DDX23: variants seen among roughly 807,000 people sequenced by gnomAD.
DDX23 encodes the protein probable ATP-dependent RNA helicase DDX23.
Under a neutral mutation model 102.7 loss-of-function variants are expected in DDX23, and 33 were observed. The observed-to-expected ratio is 0.32, with a 90% CI of 0.24 to 0.43. The LOEUF is 0.43. Among genes scored for constraint, DDX23 ranks in the 20% least tolerant of loss-of-function variants. DDX23 has a pLI of 1.00. For synonymous variants in DDX23, 352 were observed against 376.0 expected, an observed-to-expected ratio of 0.94 and a Z score of 0.74; for missense variants, 549 against 1,086.6, an observed-to-expected ratio of 0.51 and a Z score of 6.96.
At position 48,830,345 on chromosome 12, in the gene DDX23, T is replaced by C; in HGVS notation, c.*124A>G. ...GACCTGAGGGTCTGGGCTAGGGAGT[T>C]GGATTGTTTTCCTAAGCCCCCATAT... On this transcript the variant is annotated 3_prime_UTR_variant, in exon 17 of 17. Coordinates refer to ENST00000308025, the MANE Select transcript of DDX23 (RefSeq NM_004818.3). The surrounding 1 kb of genome is among the most constrained non-coding windows in gnomAD (Gnocchi z 4.9). 8.5e-7 allele frequency: 1 copy of C among 1,172,106 alleles called. No individual in the cohort carries two copies. Among genetic ancestry groups the C allele is most frequent in the South Asian group, 1.3e-5 (1 of 76,772 alleles). 72.6% of individuals were successfully genotyped at this position (1,172,106 alleles called of 1,614,324 possible).
chr12:48,851,845 C>T (rs1938764687), intron 1 of DDX23, among the ~76,000 whole-genome samples: 1 of 152,208 alleles, frequency 6.6e-6, no homozygotes, highest in South Asian at 2.1e-4. Flanking sequence ...GGCGCTGTGC[C>T]CATAGGCAGA....
chr12:48,831,697 TGACAGGAGTAAAG>T (rs1938390076), intron 15 of DDX23: 2 of 427,306 alleles, frequency 4.7e-6, no homozygotes, highest in Admixed American at 7.6e-5. Context: ...CAAGCACCAG[TGACAGGAGTAAAG>T]GACACTGATT....
At position 48,840,111 on chromosome 12, in the gene DDX23, G is replaced by C. The variant is rs750421400; in HGVS notation, c.321-5C>G. 3.4e-5 allele frequency: 54 copies of C among 1,610,508 alleles called. No homozygotes were observed. The highest frequency in any genetic ancestry group is 4.3e-5 in the Non-Finnish European group (51 of 1,176,960). On this transcript the variant is annotated splice_polypyrimidine_tract_variant and splice_region_variant and intron_variant, in intron 3 of 16. Transcript: ENST00000308025. ...TTTCCTCGACCAGGAGATAAGCTTT[G>C]AGGAAAAGGAACAAGGTCCACATCA...
intron 5 of DDX23, chr12:48,839,520 C>G (rs1398188276): frequency 1.6e-5 from 3 of 190,980 alleles, no homozygotes; most frequent in Non-Finnish European, 2.0e-5. Flanking sequence ...TATCATGCCA[C>G]TGTACTCCAT....
rs1440456548 is a variant in DDX23, at chr12:48,830,228, G to A, written c.*241C>T. The A allele has an allele frequency of 6.2e-6, 4 of 640,900 alleles. No homozygotes were observed. The highest frequency in any genetic ancestry group is 1.2e-5 in the Non-Finnish European group (4 of 346,674). 39.7% of individuals were successfully genotyped at this position (640,900 alleles called of 1,614,324 possible). On this transcript the variant is annotated 3_prime_UTR_variant, in exon 17 of 17. Coordinates refer to ENST00000308025, the MANE Select transcript of DDX23 (RefSeq NM_004818.3). The surrounding 1 kb of genome is among the most constrained non-coding windows in gnomAD (Gnocchi z 4.9). ...CCAGTGCAATCCCAAAGCAAAGAAG[G>A]GCAGAACTGGGCCAAGAAGCTGTGG...
In DDX23 at chr12:48,845,557, A is replaced by G. The variant is rs764768626; in HGVS notation, c.209+17T>C. 9 of 1,614,056 alleles carry G rather than the reference A, an allele frequency of 5.6e-6. No homozygotes were observed. In the East Asian group the frequency reaches 2.0e-4, roughly 36 times the overall value. ...GTACTCTCCCTTCCCATGTAATAAC[A>G]TACAAAGTTACTTTACCTTTCTGCA... On this transcript the variant is annotated intron_variant, in intron 2 of 16. Coordinates refer to ENST00000308025, the MANE Select transcript of DDX23 (RefSeq NM_004818.3).
chr12:48,833,196 G>A (rs1006114779), intron 13 of DDX23, 81 bp downstream of exon 13: 34 of 1,579,418 alleles, frequency 2.2e-5, no homozygotes, highest in Admixed American at 7.0e-5. Context: ...TGTTGCCCAG[G>A]CTGGTCTCAA....
Position 48,845,555 on chromosome 12 carries a change from A to G in DDX23, c.209+19T>C. 1 of 1,613,730 alleles carries G rather than the reference A, an allele frequency of 6.2e-7. No individual in the cohort carries two copies. Among genetic ancestry groups the G allele is most frequent in the Non-Finnish European group, 8.5e-7 (1 of 1,179,596 alleles). On this transcript the variant is annotated intron_variant, in intron 2 of 16. Coordinates refer to ENST00000308025, the MANE Select transcript of DDX23 (RefSeq NM_004818.3). ...ACGTACTCTCCCTTCCCATGTAATA[A>G]CATACAAAGTTACTTTACCTTTCTG... is the stretch of plus-strand genomic sequence containing the variant.
At chr12:48,835,146 GA>G in intron 11 of DDX23, 1 of 240,880 alleles carries the variant, frequency 4.2e-6, no homozygotes, top group Non-Finnish European at 8.9e-6. Context: ...TTGGGAGGCT[GA>G]GGTAGGAGGA....
At chr12:48,844,429 C>G (rs1319056487) in intron 2 of DDX23, among the ~76,000 whole-genome samples, 1 of 152,034 alleles carries the variant, frequency 6.6e-6, no homozygotes, top group African/African-American at 2.4e-5. Context: ...CAGATGTGCA[C>G]CACCATGCCT....
intron 4 of DDX23, 26 bp from the exon 5 acceptor site, chr12:48,839,935 T>C (rs2137487659): frequency 1.2e-6 from 2 of 1,613,978 alleles, no homozygotes; most frequent in Non-Finnish European, 1.7e-6. Context: ...AACTTTAGTC[T>C]ATAAAGGCTC....
Position 48,833,444 on chromosome 12 carries a change from C to T in DDX23, c.1636G>A (p.Val546Met), listed in dbSNP as rs776872601. 18 of 1,614,210 alleles carry T rather than the reference C, an allele frequency of 1.1e-5. No homozygotes were observed. In the East Asian group the frequency reaches 3.1e-4, roughly 28 times the overall value. ...ATCCTATCTGCCTCATCCAGAACCACATAGGTACAGCGGCTCAGCACCAGG... is the reference window on the plus strand; with the variant it reads ...ATCCTATCTGCCTCATCCAGAACCATATAGGTACAGCGGCTCAGCACCAGG... Reference protein sequence around the residue: ...RYLVLSRCTYVVLDEADRMID... With the variant: ...RYLVLSRCTYMVLDEADRMID... The change falls in exon 13 of 17, where the codon GTG becomes ATG. Residue 546 changes from valine (V) to methionine (M), a missense_variant. Val to Met is a conservative substitution (Grantham distance 21, BLOSUM62 1). Transcript: ENST00000308025.
chr12:48,831,892 G>A (rs1463052762), intron 15 of DDX23, 186 bp downstream of exon 15: 4 of 607,256 alleles, frequency 6.6e-6, no homozygotes, highest in Non-Finnish European at 1.2e-5. Context: ...CAGCAGACAG[G>A]GGGTCCCAGC....
At chr12:48,844,400 T>G (rs1267414321) in intron 2 of DDX23, among the ~76,000 whole-genome samples, 2 of 152,050 alleles carry the variant, frequency 1.3e-5, no homozygotes, top group African/African-American at 4.8e-5. Context: ...TGCCTCAGCC[T>G]CCCGAGTAGC....
At chr12:48,851,536 G>A (rs1048651673) in intron 1 of DDX23, among the ~76,000 whole-genome samples, 1 of 152,138 alleles carries the variant, frequency 6.6e-6, no homozygotes, top group African/African-American at 2.4e-5. Context: ...ATACCAAGAA[G>A]AGTATCAAGG....
intron 11 of DDX23, among the ~76,000 whole-genome samples, chr12:48,835,410 T>C (rs1425058506): frequency 6.6e-6 from 1 of 151,894 alleles, no homozygotes; most frequent in African/African-American, 2.4e-5. Context: ...TCATCTCTAC[T>C]AAAAATGTAA....
rs756019997 is a variant in DDX23, at chr12:48,830,663, G to A, written c.2269C>T (p.Arg757Ter). 1 of 1,613,146 alleles carries A rather than the reference G, an allele frequency of 6.2e-7. No individual in the cohort carries two copies. Among genetic ancestry groups the A allele is most frequent in the Non-Finnish European group, 8.5e-7 (1 of 1,179,476 alleles). The stretch of plus-strand genomic sequence containing the variant: ...ATGGCCACCCCACTCTTGCCTGCTC[G>A]TCCCGTGCGGCCAATGCGGTGGATG... ...DYIHRIGRTG[R>*]AGKSGVAITF... The change falls in exon 17 of 17, where the codon CGA becomes TGA. Residue 757 changes from arginine to a stop codon, truncating the protein, a stop_gained. Coordinates refer to ENST00000308025, the MANE Select transcript of DDX23 (RefSeq NM_004818.3). LOFTEE classifies it high-confidence loss of function. This position sits in a 1 kb window ranked among gnomAD's most constrained non-coding sequence, Gnocchi z 4.9.
Position 48,833,413 on chromosome 12 carries a change from T to G in DDX23, c.1667A>C (p.Asp556Ala). 1 of 1,614,198 alleles carries G rather than the reference T, an allele frequency of 6.2e-7. No homozygotes were observed. The highest frequency in any genetic ancestry group is 8.5e-7 in the Non-Finnish European group (1 of 1,180,046). ...CTGGACATCTGGCTCAAAGCCCATG[T>G]CAATCATCCTATCTGCCTCATCCAG... ...VVLDEADRMIDMGFEPDVQKI... is the reference protein window; with the variant it reads ...VVLDEADRMIAMGFEPDVQKI... Residue 556 changes from aspartate to alanine, a missense_variant, in exon 13 of 17, where the codon GAC becomes GCC. Coordinates refer to ENST00000308025, the MANE Select transcript of DDX23 (RefSeq NM_004818.3).
At chr12:48,834,656 G>A in intron 11 of DDX23, 159 bp from the exon 12 acceptor site, 1 of 659,490 alleles carries the variant, frequency 1.5e-6, no homozygotes, top group East Asian at 2.9e-5. Context: ...GGCCAGGGCT[G>A]GGCATGGTGG....
Sources: gnomAD v4.1 joint callset for allele counts (sites outside exome capture counted in the v4.1 genomes callset) on GRCh38, gnomAD v4.1.1 for gene constraint, Gnocchi (gnomAD v3.1) non-coding constraint, MANE v1.5 for transcripts, NCBI Gene and HGNC (gene_info 2026-07-23, HGNC 2026-07-21) for gene names.